Variants in DLG1 observed in about 807,000 individuals in gnomAD.
DLG1 encodes the protein discs large MAGUK scaffold protein 1.
DLG1 carries 42 observed loss-of-function variants against 123.4 expected under a neutral mutation model. The ratio of observed to expected loss-of-function variants is 0.34; its 90% CI spans 0.27 to 0.44. The LOEUF (loss-of-function observed/expected upper bound fraction) is 0.44, where lower values mean the gene tolerates loss of function less well. DLG1 is among the 20% of genes least tolerant of loss of function. DLG1 has a pLI of 1.00. For synonymous variants in DLG1, 317 were observed against 356.2 expected (o/e 0.89, Z 1.24); for missense variants, 942 against 1,082.6 (o/e 0.87, Z 1.82).
At chr3:197,088,154 C>T (rs1023702838) in intron 15 of DLG1, among the ~76,000 whole-genome samples, 2 of 151,924 alleles carry the variant, frequency 1.3e-5, no homozygotes, top group East Asian at 1.9e-4. Context: ...CTAGTTAAAT[C>T]CATTATCTTC....
At chr3:197,286,765 G>T (rs1203016461) in intron 3 of DLG1, among the ~76,000 whole-genome samples, 1 of 152,064 alleles carries the variant, frequency 6.6e-6, no homozygotes, top group Non-Finnish European at 1.5e-5. Context: ...TTGAGACAGG[G>T]TCACTCAGGC....
chr3:197,219,825 TCTC>T (rs1449571686), intron 4 of DLG1, among the ~76,000 whole-genome samples: 1 of 152,014 alleles, frequency 6.6e-6, no homozygotes, highest in Admixed American at 6.5e-5. Flanking sequence ...TCAGGGGAAA[TCTC>T]ACCATGCACA....
chr3:197,201,111 C>G (rs1725450529), intron 4 of DLG1, among the ~76,000 whole-genome samples: 2 of 152,224 alleles, frequency 1.3e-5, no homozygotes, highest in Non-Finnish European at 1.5e-5. Flanking sequence ...CGGCCGGGCG[C>G]AGTGGCTCAC....
chr3:197,290,697 C>T lies in DLG1; in HGVS notation c.151+5649G>A, dbSNP rs138338932. ...GTGGCTCACACCTGTAATCCCAGAA[C>T]TTTGCTCAGGAGTTCGAGACCAGCC... On this transcript the variant is annotated intron_variant, in intron 3 of 24. Coordinates refer to ENST00000667157, the MANE Select transcript of DLG1 (RefSeq NM_001366207.1). Among the ~76,000 whole-genome samples, 637 of 152,070 alleles carry T rather than the reference C, an allele frequency of 4.2e-3. 3 individuals carry two copies. The highest frequency in any genetic ancestry group is 6.9e-3 in the Non-Finnish European group (472 of 67,970).
chr3:197,060,673 A>C (rs544036333), intron 22 of DLG1, among the ~76,000 whole-genome samples: 1 of 152,334 alleles, frequency 6.6e-6, no homozygotes, highest in South Asian at 2.1e-4. Context: ...TTAAATGACA[A>C]CTTTTCTGAC....
At chr3:197,048,820 TAATTTTGTATTTTTA>T (rs1725227091) in intron 24 of DLG1, among the ~76,000 whole-genome samples, 1 of 152,040 alleles carries the variant, frequency 6.6e-6, no homozygotes, top group African/African-American at 2.4e-5. Flanking sequence ...CACGCCCGGC[TAATTTTGTATTTTTA>T]GTAGAGAAAA....
chr3:197,109,609 T>G (rs900562105), intron 13 of DLG1, among the ~76,000 whole-genome samples: 10 of 152,218 alleles, frequency 6.6e-5, no homozygotes, highest in Non-Finnish European at 7.3e-5. Flanking sequence ...TATTTCTTCA[T>G]GTGGATTTGA....
chr3:197,063,191 T>C (rs1226016566), intron 22 of DLG1, among the ~76,000 whole-genome samples: 3 of 144,510 alleles, frequency 2.1e-5, no homozygotes, highest in Non-Finnish European at 4.6e-5. Flanking sequence ...ACTTAAAGTA[T>C]AAAAAAAAAA....
intron 5 of DLG1, among the ~76,000 whole-genome samples, chr3:197,189,890 A>C (rs1216552928): frequency 3.9e-5 from 6 of 152,216 alleles, no homozygotes; most frequent in Non-Finnish European, 1.5e-5. Flanking sequence ...CACCAATTTC[A>C]GAAATGGTAA....
intron 4 of DLG1, among the ~76,000 whole-genome samples, chr3:197,211,366 G>C (rs1265823614): frequency 6.8e-6 from 1 of 146,276 alleles, no homozygotes; most frequent in Non-Finnish European, 1.5e-5. Context: ...CCCATATCTT[G>C]ATGAACATTG....
chr3:197,109,054 A>T (rs1399440476), intron 13 of DLG1, among the ~76,000 whole-genome samples: 1 of 152,142 alleles, frequency 6.6e-6, no homozygotes, highest in African/African-American at 2.4e-5. Context: ...ATCTTGGATT[A>T]TAAGTAAAAA....
chr3:197,115,274 C>T (rs1327749089), intron 13 of DLG1, among the ~76,000 whole-genome samples: 2 of 151,592 alleles, frequency 1.3e-5, no homozygotes, highest in African/African-American at 4.9e-5. Flanking sequence ...CACAGTAGAA[C>T]TATAGGTAAG....
intron 14 of DLG1, among the ~76,000 whole-genome samples, chr3:197,092,496 ATTG>A (rs1758288552): frequency 6.6e-6 from 1 of 152,000 alleles, no homozygotes; most frequent in Non-Finnish European, 1.5e-5. Flanking sequence ...TGGTTGAATT[ATTG>A]TTTTCTTTTT....
At chr3:197,129,799 T>C (rs1297140515) in intron 11 of DLG1, among the ~76,000 whole-genome samples, 2 of 152,048 alleles carry the variant, frequency 1.3e-5, no homozygotes, top group African/African-American at 2.4e-5. Flanking sequence ...GCGAGGGAGA[T>C]AGGGGAATGA....
At chr3:197,210,774 A>G (rs1730905280) in intron 4 of DLG1, among the ~76,000 whole-genome samples, 1 of 144,998 alleles carries the variant, frequency 6.9e-6, no homozygotes, top group Non-Finnish European at 1.5e-5. Context: ...AACAATATCA[A>G]TTTTACATAA....
chr3:197,106,815 A>G (rs780276688), intron 13 of DLG1, among the ~76,000 whole-genome samples: 5 of 152,234 alleles, frequency 3.3e-5, no homozygotes, highest in Non-Finnish European at 5.9e-5. Flanking sequence ...ATACTTGTAT[A>G]AATAGCCTTA....
At chr3:197,105,288 C>T (rs894495555) in intron 13 of DLG1, among the ~76,000 whole-genome samples, 12 of 152,192 alleles carry the variant, frequency 7.9e-5, no homozygotes, top group Middle Eastern at 3.4e-3. Flanking sequence ...AGAAATGTAC[C>T]TTAATTTGAG....
chr3:197,043,106 A>G lies in DLG1; in HGVS notation c.*1517T>C, dbSNP rs146753591. ...GAAGCCAAATATTATTATTAATATG[A>G]AGGACCAGAGAAACTGATTTGTGAA... On this transcript the variant is annotated 3_prime_UTR_variant, in exon 25 of 25. Transcript: ENST00000667157. 6.6e-6 allele frequency: 1 copy of G among 152,334 alleles called. No homozygotes were observed. The highest frequency in any genetic ancestry group is 2.4e-5 in the African/African-American group (1 of 41,578). 9.4% of individuals were successfully genotyped at this position (152,334 alleles called of 1,614,324 possible). A position where few individuals can be genotyped will look rare whatever the true frequency, so the allele number is the denominator to read the frequency against.
At chr3:197,096,183 A>G (rs1000865211) in intron 14 of DLG1, among the ~76,000 whole-genome samples, 2 of 152,220 alleles carry the variant, frequency 1.3e-5, no homozygotes, top group African/African-American at 4.8e-5. Flanking sequence ...CATCTGTATC[A>G]ATGGAAAACC....
Sources: gnomAD v4.1 joint callset for allele counts (sites outside exome capture counted in the v4.1 genomes callset) on GRCh38, gnomAD v4.1.1 for gene constraint, MANE v1.5 for transcripts, NCBI Gene and HGNC (gene_info 2026-07-23, HGNC 2026-07-21) for gene names.